The following RAB3GAP1 variants were observed in gnomAD, a reference collection of about 807,000 sequenced individuals.
RAB3GAP1 encodes the protein RAB3 GTPase activating protein catalytic subunit 1, also known as rab3 GTPase-activating protein catalytic subunit.
RAB3GAP1 carries 86 observed loss-of-function variants against 130.7 expected under a neutral mutation model. The observed-to-expected ratio is 0.66, with a 90% CI of 0.55 to 0.79. The LOEUF is 0.79. Ranked by LOEUF, RAB3GAP1 falls within the 30% of genes least tolerant of loss-of-function variation. The pLI is 0.00. For synonymous variants in RAB3GAP1, 367 were observed against 401.7 expected, an observed-to-expected ratio of 0.91 and a Z score of 1.03; for missense variants, 1,029 against 1,169.4, an observed-to-expected ratio of 0.88 and a Z score of 1.75.
At chr2:135,117,741 T>TCTTCTG (rs1691062470) in intron 7 of RAB3GAP1, among the ~76,000 whole-genome samples, 3 of 63,788 alleles carry the variant, frequency 4.7e-5, no homozygotes, top group Admixed American at 1.7e-4. Context: ...TTCTTCTGCT[T>TCTTCTG]CTTCTTCTGC....
At chr2:135,168,461 A>G in intron 23 of RAB3GAP1, 84 bp from the exon 24 acceptor site, 2 of 1,084,952 alleles carry the variant, frequency 1.8e-6, no homozygotes, top group Non-Finnish European at 2.8e-6. Context: ...TCATATCTTT[A>G]TTATGTTAAT....
At chr2:135,117,522 G>GCTTCTTCTGCTT (rs1558784266) in intron 7 of RAB3GAP1, among the ~76,000 whole-genome samples, 4 of 30,050 alleles carry the variant, frequency 1.3e-4, no homozygotes, top group South Asian at 2.6e-3. Flanking sequence ...TGCTTCTTCT[G>GCTTCTTCTGCTT]CTTCTTCTGC....
At chr2:135,171,949 A>T (rs924157881), downstream of RAB3GAP1, among the ~76,000 whole-genome samples, 1 of 152,200 alleles carries the variant, frequency 6.6e-6, no homozygotes, top group Non-Finnish European at 1.5e-5. Flanking sequence ...TGTACCCGGC[A>T]CGTGGGAAGC....
intron 3 of RAB3GAP1, among the ~76,000 whole-genome samples, chr2:135,087,702 T>C (rs1481475735): frequency 6.6e-6 from 1 of 152,212 alleles, no homozygotes; most frequent in Admixed American, 6.5e-5. Flanking sequence ...ATACAGATGG[T>C]TATTATATAT....
At chr2:135,084,400 C>T (rs547261263) in intron 3 of RAB3GAP1, among the ~76,000 whole-genome samples, 2 of 152,142 alleles carry the variant, frequency 1.3e-5, no homozygotes, top group Non-Finnish European at 2.9e-5. Context: ...GTGAGTCATC[C>T]TTTTACTTTC....
chr2:135,116,110 G>C (rs1038327428), intron 7 of RAB3GAP1, among the ~76,000 whole-genome samples: 1 of 152,134 alleles, frequency 6.6e-6, no homozygotes, highest in African/African-American at 2.4e-5. Context: ...AGTATGTTAA[G>C]TGCTAAACAT....
chr2:135,065,409 C>T (rs1179390911), intron 3 of RAB3GAP1, among the ~76,000 whole-genome samples: 1 of 152,098 alleles, frequency 6.6e-6, no homozygotes, highest in African/African-American at 2.4e-5. Flanking sequence ...CAATGGATTG[C>T]AGTGATTCAT....
At chr2:135,071,909 TC>T (rs1689485005) in intron 3 of RAB3GAP1, among the ~76,000 whole-genome samples, 1 of 149,434 alleles carries the variant, frequency 6.7e-6, no homozygotes, top group Non-Finnish European at 1.5e-5. Flanking sequence ...ATTGAATCTT[TC>T]TTTCTTTCTT....
At chr2:135,111,990 T>C (rs778568513) in intron 5 of RAB3GAP1, among the ~76,000 whole-genome samples, 1 of 152,206 alleles carries the variant, frequency 6.6e-6, no homozygotes. Context: ...CTTAAAACTT[T>C]AGAAAATAGA....
intron 17 of RAB3GAP1, 98 bp from the exon 18 acceptor site, chr2:135,150,271 T>G: frequency 7.0e-7 from 1 of 1,420,108 alleles, no homozygotes; most frequent in Non-Finnish European, 9.9e-7. Context: ...ATCTTGTGAC[T>G]GCTATAGCTG....
chr2:135,151,722 A>T (rs565554294), intron 18 of RAB3GAP1, among the ~76,000 whole-genome samples: 7 of 152,344 alleles, frequency 4.6e-5, no homozygotes, highest in Non-Finnish European at 1.0e-4. Flanking sequence ...TCAAACCAAA[A>T]GGTAGAGAAG....
At chr2:135,101,486 A>G (rs1690447954) in intron 5 of RAB3GAP1, among the ~76,000 whole-genome samples, 1 of 152,232 alleles carries the variant, frequency 6.6e-6, no homozygotes. Flanking sequence ...TGATTAACTT[A>G]TATTTTCAAA....
intron 23 of RAB3GAP1, among the ~76,000 whole-genome samples, chr2:135,166,172 A>C (rs1490415458): frequency 6.6e-6 from 1 of 152,088 alleles, no homozygotes; most frequent in African/African-American, 2.4e-5. Flanking sequence ...ATCTCAAAAA[A>C]AAAAAAAAAG....
rs570014972 is a variant in RAB3GAP1, at chr2:135,070,515, AATT to A, written c.150+12436_150+12438del. The stretch of plus-strand genomic sequence containing the variant: ...TCTCAAATTCCTGGCCTATAAAAGG[AATT>A]ATTATTTTTATTTATTTATTTATTT... On this transcript the variant is annotated intron_variant, in intron 3 of 23. Coordinates refer to ENST00000264158, the MANE Select transcript of RAB3GAP1 (RefSeq NM_012233.3). 9.2e-3 allele frequency among the ~76,000 whole-genome samples: 1,403 copies of A among 152,092 alleles called. 23 individuals are homozygous for A. The highest frequency in any genetic ancestry group is 0.032 in the African/African-American group (1,340 of 41,448).
rs1679301751 is a variant in RAB3GAP1, at chr2:135,069,154, C to G, written c.150+11068C>G. Among the ~76,000 whole-genome samples the G allele has an allele frequency of 2.0e-5, 3 of 152,084 alleles. No individual in the cohort carries two copies. The South Asian group carries it at 6.2e-4, about 32-fold the overall frequency. On this transcript the variant is annotated intron_variant, in intron 3 of 23. Coordinates refer to ENST00000264158, the MANE Select transcript of RAB3GAP1 (RefSeq NM_012233.3). ...TACACAACACATTGCCTGGTATATG[C>G]TTAGTACATGTTTGTTGATTGACTC... is the stretch of plus-strand genomic sequence containing the variant.
chr2:135,115,419 C>G, intron 7 of RAB3GAP1, 38 bp downstream of exon 7: 5 of 1,558,568 alleles, frequency 3.2e-6, no homozygotes, highest in Non-Finnish European at 4.4e-6. Context: ...TATCTGAGAT[C>G]CAGATAAAAG....
rs1197246835 is a variant in RAB3GAP1, at chr2:135,090,986, T to G, written c.151-12T>G. On this transcript the variant is annotated splice_polypyrimidine_tract_variant and intron_variant, in intron 3 of 23. Coordinates refer to ENST00000264158, the MANE Select transcript of RAB3GAP1 (RefSeq NM_012233.3). The stretch of plus-strand genomic sequence containing the variant: ...TAAGGTAAATATTTTGCCATTTTAT[T>G]GGTACATATAGGGTATATTTACTTC... 1 of 1,608,842 alleles carries G rather than the reference T, an allele frequency of 6.2e-7. No homozygotes were observed.
intron 16 of RAB3GAP1, 120 bp downstream of exon 16, chr2:135,135,439 C>T: frequency 7.0e-7 from 1 of 1,433,602 alleles, no homozygotes; most frequent in Non-Finnish European, 9.7e-7. Flanking sequence ...TGCCTATAGT[C>T]AGTAGTCACT....
In RAB3GAP1 at chr2:135,135,945, A is replaced by G. The variant is rs778152367; in HGVS notation, c.1923+13A>G. The G allele has an allele frequency of 2.5e-6, 4 of 1,611,928 alleles. No individual in the cohort carries two copies. Among genetic ancestry groups the G allele is most frequent in the South Asian group, 1.1e-5 (1 of 91,028 alleles). ...TCCAGTAACCCAGGTAGGATGCACT[A>G]GTTCTTTCCATTTTAATTTATTTTG... On this transcript the variant is annotated intron_variant, in intron 17 of 23. Coordinates refer to ENST00000264158, the MANE Select transcript of RAB3GAP1 (RefSeq NM_012233.3).
Sources: allele counts gnomAD v4.1 joint callset (sites outside exome capture counted in the v4.1 genomes callset), GRCh38; gene constraint gnomAD v4.1.1; transcripts MANE v1.5; gene names NCBI Gene and HGNC (gene_info 2026-07-23, HGNC 2026-07-21).